The following APOLD1 variants were observed in gnomAD, a reference collection of about 807,000 sequenced individuals.
APOLD1 encodes the protein apolipoprotein L domain-containing protein 1.
A neutral mutation model predicts 15.3 loss-of-function variants in APOLD1; 22 were observed. The ratio of observed to expected loss-of-function variants is 1.44; its 90% confidence interval spans 1.03 to 2.05. The LOEUF is 2.05. Among genes scored for constraint, APOLD1 ranks in the 30% most tolerant of loss-of-function variants. APOLD1 has a pLI of 0.00. For missense variants in APOLD1, 394 were observed against 353.5 expected, an observed-to-expected ratio of 1.11 and a Z score of -0.92; for synonymous variants, 190 against 167.4, an observed-to-expected ratio of 1.13 and a Z score of -1.04.
intron 1 of APOLD1, 43 bp from the exon 2 acceptor site, chr12:12,786,866 G>T: frequency 7.3e-7 from 1 of 1,378,296 alleles, no homozygotes; most frequent in Non-Finnish European, 9.3e-7. Flanking sequence ...AGCGGCGGCT[G>T]GCACGGAGAC....
intron 1 of APOLD1, among the ~76,000 whole-genome samples, chr12:12,760,014 C>T (rs1946884748): frequency 6.6e-6 from 1 of 152,112 alleles, no homozygotes; most frequent in South Asian, 2.1e-4. Flanking sequence ...AAAATTAAGA[C>T]AAGCAACTGA....
Position 12,787,758 on chromosome 12 carries a change from G to A in APOLD1, c.*106G>A. 8 of 1,480,218 alleles carry A rather than the reference G, an allele frequency of 5.4e-6. No individual in the cohort carries two copies. The highest frequency in any genetic ancestry group is 1.4e-5 in the South Asian group (1 of 73,062). The allele number at this position is 1,480,218 out of a possible 1,614,324, so 91.7% of individuals were successfully genotyped here. A position where few individuals can be genotyped will look rare whatever the true frequency, so the allele number is the denominator to read the frequency against. ...ACACCAAGCTGGGTTAGGAGCCGAA[G>A]GCAAAGGATGAGAAAAACTGTTTTT... On this transcript the variant is annotated 3_prime_UTR_variant, in exon 2 of 2. Transcript: ENST00000356591. The surrounding 1 kb of genome is among the most constrained non-coding windows in gnomAD (Gnocchi z 4.9).
intron 1 of APOLD1, among the ~76,000 whole-genome samples, chr12:12,763,012 G>A (rs1216901739): frequency 6.6e-6 from 1 of 152,026 alleles, no homozygotes; most frequent in Non-Finnish European, 1.5e-5. Context: ...GGGTGTAGTA[G>A]TCCCAGCTAC....
chr12:12,752,187 T>C, intron 1 of APOLD1, among the ~76,000 whole-genome samples: 1 of 152,228 alleles, frequency 6.6e-6, no homozygotes. Flanking sequence ...CCTGTGTTTT[T>C]GGACAGGGTA....
intron 1 of APOLD1, among the ~76,000 whole-genome samples, chr12:12,772,768 T>G: frequency 6.6e-6 from 1 of 152,170 alleles, no homozygotes; most frequent in East Asian, 1.9e-4. Flanking sequence ...TTTAAAAGAA[T>G]GAAAATAATG....
rs1301885110 is a variant in APOLD1 at position 12,787,744 on chromosome 12, G to T, written c.*92G>T. On this transcript the variant is annotated 3_prime_UTR_variant, in exon 2 of 2. Transcript: ENST00000356591. The surrounding 1 kb of genome is among the most constrained non-coding windows in gnomAD (Gnocchi z 4.9). ...GCTCCCTTAGGAAAACACCAAGCTG[G>T]GTTAGGAGCCGAAGGCAAAGGATGA... The T allele has an allele frequency of 1.4e-5, 21 of 1,496,376 alleles. No individual in the cohort carries two copies. The highest frequency in any genetic ancestry group is 1.5e-5 in the Non-Finnish European group (17 of 1,129,388). The allele number at this position is 1,496,376 out of a possible 1,614,324, so 92.7% of individuals were successfully genotyped here. A position where few individuals can be genotyped will look rare whatever the true frequency, so the allele number is the denominator to read the frequency against.
intron 1 of APOLD1, among the ~76,000 whole-genome samples, chr12:12,743,116 C>A (rs958596710): frequency 6.6e-6 from 1 of 152,202 alleles, no homozygotes; most frequent in Non-Finnish European, 1.5e-5. Flanking sequence ...ATATCATTTG[C>A]CTGAAAGGGG....
At position 12,788,921 on chromosome 12, in the gene APOLD1, C is replaced by T. The variant is rs80002813; in HGVS notation, c.*1269C>T. ...GAGAGAGAGAGAGCACGCGTACGTG[C>T]ACCCTGGGGCAGTGTCTCACCGTAT... On this transcript the variant is annotated 3_prime_UTR_variant, in exon 2 of 2. Transcript: ENST00000356591. The T allele has an allele frequency of 6.6e-6, 1 of 152,120 alleles. No homozygotes were observed. The highest frequency in any genetic ancestry group is 1.5e-5 in the Non-Finnish European group (1 of 68,038). The allele number at this position is 152,120 out of a possible 1,614,324, so 9.4% of individuals were successfully genotyped here.
chr12:12,758,266 G>T (rs1412390807), intron 1 of APOLD1, among the ~76,000 whole-genome samples: 2 of 151,608 alleles, frequency 1.3e-5, no homozygotes, highest in African/African-American at 4.8e-5. Flanking sequence ...CTGGTAAAGT[G>T]CCGGGTGCAG....
upstream of APOLD1, among the ~76,000 whole-genome samples, chr12:12,783,700 T>A (rs1947103430): frequency 6.7e-6 from 1 of 149,190 alleles, no homozygotes; most frequent in Non-Finnish European, 1.5e-5. Context: ...GTGGTACCAT[T>A]ATAGCTCACT....
chr12:12,776,056 A>T (rs1947031714), intron 1 of APOLD1, among the ~76,000 whole-genome samples: 1 of 151,878 alleles, frequency 6.6e-6, no homozygotes, highest in South Asian at 2.1e-4. Context: ...TAAATTAATA[A>T]AAGCAAATAA....
Position 12,777,889 on chromosome 12 carries a change from G to GTTTTT in APOLD1, c.97-8988_97-8984dup, listed in dbSNP as rs71436735. On this transcript the variant is annotated intron_variant, in intron 1 of 1. Coordinates refer to the APOLD1 transcript ENST00000326765. ...AAATATCTTCTCTACAAGGAAAGGT[G>GTTTTT]TTTTTTTTTTTTTTTTTTTTTTTTT... Among the ~76,000 whole-genome samples the GTTTTT allele has an allele frequency of 2.4e-4, 28 of 117,114 alleles. 1 individual carries two copies. The highest frequency in any genetic ancestry group is 7.1e-4 in the African/African-American group (19 of 26,694). 76.8% of individuals were successfully genotyped at this position (117,114 alleles called of 152,430 possible). A position where few individuals can be genotyped will look rare whatever the true frequency, so the allele number is the denominator to read the frequency against.
intron 1 of APOLD1, among the ~76,000 whole-genome samples, chr12:12,735,610 A>G (rs1946678500): frequency 6.6e-6 from 1 of 152,128 alleles, no homozygotes; most frequent in African/African-American, 2.4e-5. Flanking sequence ...TTTAAGTGCA[A>G]TGGGAAGCCA....
intron 1 of APOLD1, among the ~76,000 whole-genome samples, chr12:12,734,877 C>G (rs56692845): frequency 6.6e-6 from 1 of 151,940 alleles, no homozygotes; most frequent in Non-Finnish European, 1.5e-5. Context: ...GAGCGCTGGC[C>G]TCCTGGAGCT....
At chr12:12,749,823 A>G (rs779463650) in intron 1 of APOLD1, among the ~76,000 whole-genome samples, 33 of 152,136 alleles carry the variant, frequency 2.2e-4, no homozygotes, top group Non-Finnish European at 3.7e-4. Flanking sequence ...CCCTGCTTTC[A>G]TTCTTTAGTT....
chr12:12,738,294 G>A (rs1456771057), intron 1 of APOLD1, among the ~76,000 whole-genome samples: 5 of 145,622 alleles, frequency 3.4e-5, no homozygotes, highest in Non-Finnish European at 4.5e-5. Flanking sequence ...CTGCAGCCTC[G>A]ACCTCTTGGG....
upstream of APOLD1, among the ~76,000 whole-genome samples, chr12:12,783,793 C>T (rs1399148888): frequency 2.6e-5 from 4 of 151,240 alleles, no homozygotes; most frequent in East Asian, 7.8e-4. Flanking sequence ...GTCACTATGC[C>T]CGGCCAATTT....
rs1196698410 is a variant in APOLD1, at chr12:12,730,517, C to T, written c.96+4421C>T. ...ACAACATGGTGAAACCCCATCTCTA[C>T]TAAAAATACAAAAATTAGCCGGGCG... On this transcript the variant is annotated intron_variant, in intron 1 of 1. Coordinates refer to the APOLD1 transcript ENST00000326765. Among the ~76,000 whole-genome samples, 11 of 151,522 alleles carry T rather than the reference C, an allele frequency of 7.3e-5. No individual in the cohort carries two copies. In the South Asian group the frequency reaches 2.3e-3, roughly 32 times the overall value.
intron 1 of APOLD1, among the ~76,000 whole-genome samples, chr12:12,760,468 T>C (rs1427939775): frequency 6.6e-6 from 1 of 151,756 alleles, no homozygotes. Context: ...CAAAACCCCG[T>C]CTTTACTAAA....
Sources: gnomAD v4.1 joint callset for allele counts (sites outside exome capture counted in the v4.1 genomes callset) on GRCh38, gnomAD v4.1.1 for gene constraint, Gnocchi (gnomAD v3.1) non-coding constraint, MANE v1.5 for transcripts, NCBI Gene and HGNC (gene_info 2026-07-23, HGNC 2026-07-21) for gene names.